The following S100PBP variants were observed in gnomAD, a reference collection of about 807,000 sequenced individuals.
The protein encoded by S100PBP is S100P binding protein, also known as S100P-binding protein.
A neutral mutation model predicts 39.9 loss-of-function variants in S100PBP; 15 were observed. That is an observed-to-expected ratio of 0.38 (90% CI 0.25 to 0.58). The LOEUF is 0.58. S100PBP is among the 20% of genes least tolerant of loss of function. S100PBP has a pLI of 0.70. For synonymous variants in S100PBP, 178 were observed against 180.3 expected (o/e 0.99, Z 0.10); for missense variants, 504 against 487.3 (o/e 1.03, Z -0.32).
chr1:32,826,955 A>G, intron 3 of S100PBP, 25 bp downstream of exon 3: 1 of 1,456,292 alleles, frequency 6.9e-7, no homozygotes, highest in Non-Finnish European at 9.3e-7. Context: ...TTCAAGGTGA[A>G]GAGAAAAATG....
At chr1:32,831,957 G>A (rs771212924) in intron 5 of S100PBP, among the ~76,000 whole-genome samples, 36 of 152,140 alleles carry the variant, frequency 2.4e-4, no homozygotes, top group Non-Finnish European at 4.4e-4. Context: ...TCCCCATTCA[G>A]CAGTTCCTTT....
chr1:32,832,062 CTAGT>C (rs1639623963), intron 5 of S100PBP, among the ~76,000 whole-genome samples: 2 of 152,146 alleles, frequency 1.3e-5, no homozygotes, highest in African/African-American at 4.8e-5. Flanking sequence ...AGAGTAAAGT[CTAGT>C]CTAGAGTTAA....
chr1:32,820,776 A>G (rs1639021066), intron 1 of S100PBP, among the ~76,000 whole-genome samples: 1 of 152,134 alleles, frequency 6.6e-6, no homozygotes, highest in Non-Finnish European at 1.5e-5. Flanking sequence ...ACCAATGCAG[A>G]AGGATCGCTT....
In S100PBP at chr1:32,849,977, CTTTA is replaced by C. The variant is rs202219552; in HGVS notation, c.1025-3089_1025-3086del. Among the ~76,000 whole-genome samples the C allele has an allele frequency of 1.1e-4, 16 of 152,100 alleles. No homozygotes were observed. In the East Asian group the frequency reaches 2.7e-3, roughly 26 times the overall value. On this transcript the variant is annotated intron_variant, in intron 5 of 6. Transcript: ENST00000373475. The stretch of plus-strand genomic sequence containing the variant: ...TATAAACTAGCACATAGGACAGTGC[CTTTA>C]TTTATTTATTTAAACAGGCTTGATA...
rs574404102 is a variant in S100PBP at position 32,853,907 on chromosome 1, CA to C, written c.1112+745del. Among the ~76,000 whole-genome samples, 408 of 152,094 alleles carry C rather than the reference CA, an allele frequency of 2.7e-3. 1 individual carries two copies. Among genetic ancestry groups the C allele is most frequent in the Admixed American group, 4.7e-3 (72 of 15,272 alleles). ...GACCCTGTCTCAAAAAACAAACAGA[CA>C]AAACAAAAACTGGACTGAAATTCAG... is the stretch of plus-strand genomic sequence containing the variant. On this transcript the variant is annotated intron_variant, in intron 6 of 6. Transcript: ENST00000373475.
In S100PBP at chr1:32,824,523, G is replaced by A. The variant is rs114275504; in HGVS notation, c.-119-790G>A. Among the ~76,000 whole-genome samples the A allele has an allele frequency of 6.7e-3, 1,017 of 151,478 alleles. 15 individuals are homozygous for A. The highest frequency in any genetic ancestry group is 0.023 in the African/African-American group (959 of 41,318). ...AGTCCAACCTTGACCTACCTTTATG[G>A]TCCCTGCGAGTTATAATAGTCATCA... On this transcript the variant is annotated intron_variant, in intron 1 of 6. Coordinates refer to ENST00000373475, the MANE Select transcript of S100PBP (RefSeq NM_022753.4).
chr1:32,817,630 T>G, upstream of S100PBP: 1 of 295,522 alleles, frequency 3.4e-6, no homozygotes, highest in Non-Finnish European at 6.6e-6. Flanking sequence ...GGCGATAAAA[T>G]GGCGCAGGGG....
chr1:32,824,408 T>G (rs1410286042), intron 1 of S100PBP, among the ~76,000 whole-genome samples: 1 of 152,120 alleles, frequency 6.6e-6, no homozygotes, highest in Non-Finnish European at 1.5e-5. Flanking sequence ...GGAAAATAAT[T>G]ATAGATTAGG....
chr1:32,832,434 A>T (rs1306192663), intron 5 of S100PBP, among the ~76,000 whole-genome samples: 1 of 152,230 alleles, frequency 6.6e-6, no homozygotes, highest in Non-Finnish European at 1.5e-5. Context: ...TTCCATAATT[A>T]AAAAGTTGTT....
At chr1:32,824,846 A>ATATATATATATATATATAT (rs1557482764) in intron 1 of S100PBP, 7 of 145,894 alleles carry the variant, frequency 4.8e-5, no homozygotes, top group African/African-American at 7.7e-5. Flanking sequence ...ATATATATAT[A>ATATATATATATATATATAT]AAGATTTGTG....
At chr1:32,836,597 A>G in intron 5 of S100PBP, 7 of 980,684 alleles carry the variant, frequency 7.1e-6, no homozygotes, top group Non-Finnish European at 8.5e-6. Flanking sequence ...TAGAGTTGTT[A>G]ATTGCTTCAG....
chr1:32,856,993 TGTG>T lies in S100PBP; in HGVS notation c.*959_*961del, dbSNP rs1443295185. The T allele has an allele frequency of 1.3e-5, 2 of 152,308 alleles. No homozygotes were observed. Among genetic ancestry groups the T allele is most frequent in the South Asian group, 2.1e-4 (1 of 4,822 alleles). 9.4% of individuals were successfully genotyped at this position (152,308 alleles called of 1,614,324 possible). ...TGACTCTAGGGCAGGCTAGTGCTATTGTGGTGTCAGTTGATATTTAGTTTCATT... is the reference window on the plus strand; with the variant it reads ...TGACTCTAGGGCAGGCTAGTGCTATTGTGTCAGTTGATATTTAGTTTCATT... On this transcript the variant is annotated 3_prime_UTR_variant, in exon 7 of 7. Coordinates refer to ENST00000373475, the MANE Select transcript of S100PBP (RefSeq NM_022753.4).
intron 2 of S100PBP, 56 bp from the exon 3 acceptor site, chr1:32,826,042 G>C: frequency 3.3e-6 from 4 of 1,214,472 alleles, no homozygotes; most frequent in Non-Finnish European, 4.7e-6. Flanking sequence ...TAGTGGACTG[G>C]AGTTGGTATA....
At chr1:32,853,470 A>G (rs1290302061) in intron 6 of S100PBP, among the ~76,000 whole-genome samples, 1 of 95,498 alleles carries the variant, frequency 1.0e-5, no homozygotes, top group East Asian at 3.0e-4. Flanking sequence ...GACTCCGTCT[A>G]AAAAAAAAAA....
intron 1 of S100PBP, chr1:32,824,846 A>ATATATATATATATATATATATATAT (rs1557482764): frequency 1.3e-4 from 19 of 145,976 alleles, no homozygotes; most frequent in African/African-American, 3.8e-4. Context: ...ATATATATAT[A>ATATATATATATATATATATATATAT]AAGATTTGTG....
At chr1:32,845,687 T>TC (rs1640336956) in intron 5 of S100PBP, among the ~76,000 whole-genome samples, 1 of 151,724 alleles carries the variant, frequency 6.6e-6, no homozygotes, top group African/African-American at 2.4e-5. Context: ...CATTTTCTTT[T>TC]TTTTTTTTTT....
At chr1:32,842,631 G>A (rs544525219) in intron 5 of S100PBP, among the ~76,000 whole-genome samples, 54 of 152,072 alleles carry the variant, frequency 3.6e-4, no homozygotes, top group African/African-American at 1.3e-3. Context: ...GTCTCACTCT[G>A]TTGCCTAGGC....
chr1:32,842,225 A>G (rs1413080577), intron 5 of S100PBP, among the ~76,000 whole-genome samples: 5 of 73,718 alleles, frequency 6.8e-5, no homozygotes, highest in South Asian at 4.3e-4. Flanking sequence ...ATATATGTAT[A>G]TATATATATA....
intron 1 of S100PBP, among the ~76,000 whole-genome samples, chr1:32,823,974 G>A (rs183245747): frequency 3.2e-4 from 49 of 152,260 alleles, no homozygotes; most frequent in African/African-American, 1.1e-3. Flanking sequence ...CGAGGCAGGC[G>A]GATCACAAGG....
Sources: gnomAD v4.1 joint callset for allele counts (sites outside exome capture counted in the v4.1 genomes callset) on GRCh38, gnomAD v4.1.1 for gene constraint, MANE v1.5 for transcripts, NCBI Gene and HGNC (gene_info 2026-07-23, HGNC 2026-07-21) for gene names.